Variants in FRRS1 observed in about 807,000 individuals in gnomAD.
FRRS1 encodes the protein ferric chelate reductase 1.
Under a neutral mutation model 70.7 loss-of-function variants are expected in FRRS1, and 51 were observed. The observed-to-expected ratio is 0.72, with a 90% CI of 0.58 to 0.91. The LOEUF (loss-of-function observed/expected upper bound fraction) is 0.91. FRRS1 is among the 40% of genes least tolerant of loss of function. The pLI, the probability that FRRS1 is intolerant of heterozygous loss-of-function variation, is 0.00. For synonymous variants in FRRS1, 225 were observed against 238.7 expected, an observed-to-expected ratio of 0.94 and a Z score of 0.53; for missense variants, 672 against 726.0, an observed-to-expected ratio of 0.93 and a Z score of 0.86.
intron 6 of FRRS1, 73 bp downstream of exon 6, chr1:99,740,720 T>A: frequency 9.9e-7 from 1 of 1,015,084 alleles, no homozygotes; most frequent in Non-Finnish European, 1.5e-6. Flanking sequence ...TCACTTGAGC[T>A]CAGGAGTTCG....
Position 99,717,462 on chromosome 1 carries a change from A to G in FRRS1, c.1184T>C (p.Phe395Ser), listed in dbSNP as rs1327584806. The G allele has an allele frequency of 6.2e-7, 1 of 1,614,176 alleles. No homozygotes were observed. The highest frequency in any genetic ancestry group is 1.1e-5 in the South Asian group (1 of 91,090). Residue 395 changes from phenylalanine to serine, a missense_variant, in exon 11 of 17, where the codon TTC (phenylalanine) becomes TCC (serine). Physicochemically the swap from Phe to Ser is radical, Grantham distance 155 (BLOSUM62 -2). Coordinates refer to ENST00000646001, the MANE Select transcript of FRRS1 (RefSeq NM_001361041.2). ...VSIGVLVARF[F>S]KPVWSKAFLL... ...GAAAGCTTTTGACCAAACTGGCTTG[A>G]AGAACCGGGCAACCAGTACACCTAT... is the stretch of plus-strand genomic sequence containing the variant.
chr1:99,729,249 C>A (rs938545595), intron 8 of FRRS1, among the ~76,000 whole-genome samples: 1 of 152,230 alleles, frequency 6.6e-6, no homozygotes, highest in Non-Finnish European at 1.5e-5. Flanking sequence ...AGACAACTGT[C>A]CAAGGCATCT....
chr1:99,752,695 G>A (rs929063354), intron 1 of FRRS1, among the ~76,000 whole-genome samples: 1 of 152,178 alleles, frequency 6.6e-6, no homozygotes, highest in Non-Finnish European at 1.5e-5. Context: ...AGGATCACTT[G>A]AGCCCAGTAG....
At chr1:99,744,438 A>G (rs1266155080) in intron 4 of FRRS1, among the ~76,000 whole-genome samples, 2 of 152,162 alleles carry the variant, frequency 1.3e-5, no homozygotes, top group African/African-American at 4.8e-5. Context: ...AGGCGTCATT[A>G]AGAAAATCAT....
intron 1 of FRRS1, among the ~76,000 whole-genome samples, chr1:99,750,975 T>C (rs1443939552): frequency 7.2e-5 from 11 of 152,156 alleles, no homozygotes; most frequent in Non-Finnish European, 1.5e-4. Context: ...TTTCTGGAAG[T>C]GTCTATGAAT....
At chr1:99,712,042 T>G in intron 14 of FRRS1, 63 bp downstream of exon 14, 1 of 1,167,050 alleles carries the variant, frequency 8.6e-7, no homozygotes, top group East Asian at 2.4e-5. Context: ...TTAAGCCAAA[T>G]TACAACTTGT....
chr1:99,736,776 AAAATAAAAAT>A (rs1655690061), intron 7 of FRRS1, among the ~76,000 whole-genome samples: 6 of 144,384 alleles, frequency 4.2e-5, no homozygotes, highest in Admixed American at 2.1e-4. Flanking sequence ...TACTAATAAT[AAAATAAAAAT>A]AAATAAAATA....
At chr1:99,748,869 T>C (rs961112803) in intron 2 of FRRS1, 28 bp downstream of exon 2, 1 of 813,128 alleles carries the variant, frequency 1.2e-6, no homozygotes, top group African/African-American at 1.7e-5. Context: ...TTGCTTTCTG[T>C]GTTCAGCAAA....
chr1:99,711,801 T>C (rs913688160), intron 14 of FRRS1, among the ~76,000 whole-genome samples: 1 of 152,312 alleles, frequency 6.6e-6, no homozygotes, highest in Non-Finnish European at 1.5e-5. Context: ...GACCCTCAAT[T>C]TGAGCTACTC....
chr1:99,733,004 C>A (rs1259247954), intron 7 of FRRS1, among the ~76,000 whole-genome samples: 1 of 151,976 alleles, frequency 6.6e-6, no homozygotes, highest in Non-Finnish European at 1.5e-5. Flanking sequence ...CCACTACGCC[C>A]AGCTAATTTT....
intron 9 of FRRS1, among the ~76,000 whole-genome samples, chr1:99,721,361 TGCGA>T (rs1274463209): frequency 6.7e-6 from 1 of 148,262 alleles, no homozygotes; most frequent in Non-Finnish European, 1.5e-5. Context: ...CACTCTAGAC[TGCGA>T]GATAGAGCAA....
intron 1 of FRRS1, among the ~76,000 whole-genome samples, chr1:99,751,862 T>C (rs1656584956): frequency 6.6e-6 from 1 of 152,198 alleles, no homozygotes; most frequent in African/African-American, 2.4e-5. Context: ...AAAAATGTTT[T>C]TCTTCCACTT....
chr1:99,748,982 T>C lies in FRRS1; in HGVS notation c.-86A>G. 1 of 443,326 alleles carries C rather than the reference T, an allele frequency of 2.3e-6. No individual in the cohort carries two copies. Among genetic ancestry groups the C allele is most frequent in the Non-Finnish European group, 4.0e-6 (1 of 251,358 alleles). The allele number at this position is 443,326 out of a possible 1,614,324, so 27.5% of individuals were successfully genotyped here. A position where few individuals can be genotyped will look rare whatever the true frequency, so the allele number is the denominator to read the frequency against. ...TACTGTGAGACTTTGGGCAAATCATTTAATCCTCCACTTCCTTACCTGAAA... is the reference window on the plus strand; with the variant it reads ...TACTGTGAGACTTTGGGCAAATCATCTAATCCTCCACTTCCTTACCTGAAA... On this transcript the variant is annotated 5_prime_UTR_variant, in exon 2 of 17. Coordinates refer to ENST00000646001, the MANE Select transcript of FRRS1 (RefSeq NM_001361041.2).
intron 1 of FRRS1, among the ~76,000 whole-genome samples, chr1:99,749,987 A>G (rs1379537447): frequency 1.3e-5 from 2 of 152,240 alleles, no homozygotes; most frequent in Non-Finnish European, 2.9e-5. Context: ...ATATCTGGTC[A>G]TAGACAATAG....
At chr1:99,732,387 G>A (rs1655435968) in intron 7 of FRRS1, among the ~76,000 whole-genome samples, 1 of 152,098 alleles carries the variant, frequency 6.6e-6, no homozygotes, top group African/African-American at 2.4e-5. Flanking sequence ...CACTGTGGGA[G>A]AAACAAAAAT....
chr1:99,728,604 C>T lies in FRRS1; in HGVS notation c.895G>A (p.Gly299Ser), dbSNP rs541003655. The T allele has an allele frequency of 9.9e-6, 16 of 1,613,930 alleles. No individual in the cohort carries two copies. Among genetic ancestry groups the T allele is most frequent in the African/African-American group, 6.7e-5 (5 of 75,016 alleles). ...LEDMAWRLAD[G>S]VMQCSFRRNI... ...CTTCTGAAAGAACACTGCATAACAC[C>T]GTCCGCCAACCTCCAAGCCATATCC... is the stretch of plus-strand genomic sequence containing the variant. Residue 299 changes from glycine (G) to serine (S), a missense_variant, in exon 9 of 17, where the codon GGT becomes AGT. By Grantham distance (56) the Gly-to-Ser change is moderately conservative. Coordinates refer to ENST00000646001, the MANE Select transcript of FRRS1 (RefSeq NM_001361041.2).
intron 1 of FRRS1, chr1:99,765,503 AG>A (rs1657309503): frequency 6.6e-6 from 1 of 152,194 alleles, no homozygotes; most frequent in South Asian, 2.1e-4. Context: ...CAGGAGGCTG[AG>A]GCAGGAGAAT....
At chr1:99,766,235 G>A (rs1657346111) in intron 1 of FRRS1, among the ~76,000 whole-genome samples, 1 of 151,882 alleles carries the variant, frequency 6.6e-6, no homozygotes, top group Non-Finnish European at 1.5e-5. Flanking sequence ...AGGTAACCAT[G>A]CCACTAGCTT....
At chr1:99,764,249 C>T (rs903206364) in intron 1 of FRRS1, among the ~76,000 whole-genome samples, 8 of 152,100 alleles carry the variant, frequency 5.3e-5, no homozygotes, top group African/African-American at 1.7e-4. Context: ...CCAAAATATA[C>T]ATAACTTAAA....
Sources: allele counts gnomAD v4.1 joint callset (sites outside exome capture counted in the v4.1 genomes callset), GRCh38; gene constraint gnomAD v4.1.1; transcripts MANE v1.5; gene names NCBI Gene and HGNC (gene_info 2026-07-23, HGNC 2026-07-21).